The following VWDE variants were observed in gnomAD, a reference collection of about 807,000 sequenced individuals.
The protein encoded by VWDE is von Willebrand factor D and EGF domain-containing protein.
A neutral mutation model predicts 178.4 loss-of-function variants in VWDE; 207 were observed. The observed-to-expected ratio is 1.16, with a 90% CI of 1.04 to 1.30. VWDE has a LOEUF of 1.30. Among genes scored for constraint, VWDE ranks in the 50% most tolerant of loss-of-function variants. The pLI, the probability that VWDE is intolerant of heterozygous loss-of-function variation, is 0.00. For missense variants in VWDE, 2,287 were observed against 1,901.3 expected (o/e 1.20, Z -3.77); for synonymous variants, 738 against 651.4 (o/e 1.13, Z -2.02).
In VWDE at chr7:12,374,913, A is replaced by C; in HGVS notation, c.1242+97T>G. 4 of 1,301,160 alleles carry C rather than the reference A, an allele frequency of 3.1e-6. No homozygotes were observed. In the South Asian group the frequency reaches 6.3e-5, roughly 21 times the overall value. The allele number at this position is 1,301,160 out of a possible 1,614,324, so 80.6% of individuals were successfully genotyped here. On this transcript the variant is annotated intron_variant, in intron 8 of 28. Transcript: ENST00000275358. The stretch of plus-strand genomic sequence containing the variant: ...GAATCATTTAAAAACTAATTTACCA[A>C]AAAATTTTTTACATAAAAAGTTTAT...
In VWDE at chr7:12,392,965, G is replaced by A. The variant is rs191989593; in HGVS notation, c.243+629C>T. Among the ~76,000 whole-genome samples, 312 of 152,242 alleles carry A rather than the reference G, an allele frequency of 2.0e-3. 1 individual carries two copies. Among genetic ancestry groups the A allele is most frequent in the African/African-American group, 7.1e-3 (293 of 41,538 alleles). ...TGCACAAATTTGGGGATTGAGGAGAGAGATTCAGTGAGATAAGGCCATATG... is the reference window on the plus strand; with the variant it reads ...TGCACAAATTTGGGGATTGAGGAGAAAGATTCAGTGAGATAAGGCCATATG... On this transcript the variant is annotated intron_variant, in intron 2 of 28. Transcript: ENST00000275358.
chr7:12,379,435 C>T (rs1000727692), intron 6 of VWDE, 42 bp downstream of exon 6: 3 of 1,406,100 alleles, frequency 2.1e-6, no homozygotes, highest in Non-Finnish European at 2.9e-6. Context: ...AAACATAGTT[C>T]CAGAGGAATA....
chr7:12,375,232 T>C lies in VWDE; in HGVS notation c.1025-5A>G. 1 of 1,547,750 alleles carries C rather than the reference T, an allele frequency of 6.5e-7. No homozygotes were observed. The highest frequency in any genetic ancestry group is 8.7e-7 in the Non-Finnish European group (1 of 1,144,548). On this transcript the variant is annotated splice_region_variant and splice_polypyrimidine_tract_variant and intron_variant, in intron 7 of 28. Transcript: ENST00000275358. ...TTAAGCCTAGGTGCTCTCTACCTAT[T>C]TAATGAAAAAATAGGTTTAAAAATT...
At position 12,399,589 on chromosome 7, in the gene VWDE, A is replaced by C. The variant is rs145857019; in HGVS notation, c.58+4070T>G. Reference sequence around the variant, plus strand: ...CTTGACCTAGCAGACATCTATAAACACTATTCCTAAAAATATCAGAATATA... The same window carrying C: ...CTTGACCTAGCAGACATCTATAAACCCTATTCCTAAAAATATCAGAATATA... On this transcript the variant is annotated intron_variant, in intron 1 of 28. Coordinates refer to ENST00000275358, the MANE Select transcript of VWDE (RefSeq NM_001135924.3). 4.4e-4 allele frequency among the ~76,000 whole-genome samples: 67 copies of C among 152,312 alleles called. 1 individual carries two copies. Among genetic ancestry groups the C allele is most frequent in the Admixed American group, 4.2e-3 (64 of 15,296 alleles).
intron 13 of VWDE, among the ~76,000 whole-genome samples, chr7:12,362,738 G>A (rs980156866): frequency 4.6e-5 from 7 of 152,084 alleles, no homozygotes; most frequent in East Asian, 3.9e-4. Context: ...CAGAAATTAC[G>A]TTTTTGAAGA....
In VWDE at chr7:12,370,802, CGTT is replaced by C. The variant is rs1161641223; in HGVS notation, c.1647_1649del (p.Thr550del). On this transcript the variant is annotated inframe_deletion, in exon 11 of 29. Coordinates refer to ENST00000275358, the MANE Select transcript of VWDE (RefSeq NM_001135924.3). ...TGTAATCTACACTAGGGGCTCTGAT[CGTT>C]AGACTCATGCCCCATTCACCAAGAT... The C allele has an allele frequency of 1.3e-6, 2 of 1,550,956 alleles. No homozygotes were observed. Among genetic ancestry groups the C allele is most frequent in the African/African-American group, 2.7e-5 (2 of 72,936 alleles).
At chr7:12,359,214 A>G (rs1562483137) in intron 16 of VWDE, among the ~76,000 whole-genome samples, 1 of 152,222 alleles carries the variant, frequency 6.6e-6, no homozygotes, top group Non-Finnish European at 1.5e-5. Flanking sequence ...CAACAGTAGT[A>G]CTGGAAGGCA....
intron 18 of VWDE, chr7:12,354,516 A>G (rs1782118271): frequency 1.6e-5 from 5 of 319,564 alleles, no homozygotes. Flanking sequence ...AAGAGCTCAG[A>G]TTATTTAATT....
Position 12,393,688 on chromosome 7 carries a change from A to C in VWDE, c.149T>G (p.Val50Gly), listed in dbSNP as rs750880332. Residue 50 changes from valine (V) to glycine (G), a missense_variant, in exon 2 of 29, where the codon GTT becomes GGT. Physicochemically the swap from Val to Gly is moderately radical, Grantham distance 109. Transcript: ENST00000275358. The part of the protein sequence containing the change: ...FDSWHLQQSA[V>G]QDLICDHSLS... ...GGAATGGTCACATATTAGGTCTTGA[A>C]CAGCTGACTGCTGGAGGTGCCATGA... The C allele has an allele frequency of 2.6e-6, 4 of 1,551,278 alleles. No homozygotes were observed. The South Asian group carries it at 4.8e-5, about 18-fold the overall frequency.
At chr7:12,381,042 A>C (rs951840803) in intron 4 of VWDE, among the ~76,000 whole-genome samples, 4 of 152,212 alleles carry the variant, frequency 2.6e-5, no homozygotes, top group Non-Finnish European at 5.9e-5. Flanking sequence ...CTTTTCTAAA[A>C]GATGGAACAA....
chr7:12,380,597 A>G lies in VWDE; in HGVS notation c.678T>C (p.Ala226=). ...CTTCTTGAGAAGAAAGCCTAGACCA[A>G]GCTATGTGAAATCCCACTGAGTTTT... ...ATKNSVGFHI[A]WSRLSSQEVK... is the part of the protein sequence containing the mutation. Residue 226 remains alanine, a synonymous_variant, in exon 5 of 29, where the codon GCT becomes GCC. Transcript: ENST00000275358. 1 of 1,552,330 alleles carries G rather than the reference A, an allele frequency of 6.4e-7. No homozygotes were observed. The highest frequency in any genetic ancestry group is 2.4e-5 in the East Asian group (1 of 40,918).
In VWDE at chr7:12,379,314, G is replaced by A. The variant is rs140497109; in HGVS notation, c.879+163C>T. ...AACAAGACCCCTCAAACTTTGTTGC[G>A]CATTAGAATTACTGGGGCTTTTCTT... On this transcript the variant is annotated intron_variant, in intron 6 of 28. Coordinates refer to ENST00000275358, the MANE Select transcript of VWDE (RefSeq NM_001135924.3). Among the ~76,000 whole-genome samples the A allele has an allele frequency of 2.3e-4, 35 of 152,264 alleles. No homozygotes were observed. The East Asian group carries it at 5.4e-3, about 24-fold the overall frequency.
intron 12 of VWDE, among the ~76,000 whole-genome samples, chr7:12,369,037 C>G (rs1783009763): frequency 6.6e-6 from 1 of 152,064 alleles, no homozygotes; most frequent in South Asian, 2.1e-4. Context: ...GTTTCTTTGT[C>G]TAACATATTA....
intron 10 of VWDE, among the ~76,000 whole-genome samples, chr7:12,372,566 A>G (rs1328569394): frequency 1.3e-5 from 2 of 152,080 alleles, no homozygotes; most frequent in East Asian, 1.9e-4. Context: ...ATTAGTGAAT[A>G]TATAATCTTA....
intron 1 of VWDE, among the ~76,000 whole-genome samples, chr7:12,400,755 T>C (rs1355866110): frequency 2.0e-5 from 3 of 152,076 alleles, no homozygotes; most frequent in African/African-American, 7.2e-5. Flanking sequence ...GCCAGAAATA[T>C]ATATAACAAG....
In VWDE at chr7:12,337,165, G is replaced by A. The variant is rs892602517; in HGVS notation, c.4462+12C>T. ...TAGCTGTAGTTGACAAATACATTTA[G>A]TGATGTCTTACTTTTTTGGAATCTC... On this transcript the variant is annotated intron_variant, in intron 25 of 28. Coordinates refer to ENST00000275358, the MANE Select transcript of VWDE (RefSeq NM_001135924.3). 5 of 1,551,208 alleles carry A rather than the reference G, an allele frequency of 3.2e-6. No homozygotes were observed. The highest frequency in any genetic ancestry group is 1.4e-5 in the African/African-American group (1 of 73,054).
At chr7:12,388,192 T>C (rs1423178974) in intron 3 of VWDE, among the ~76,000 whole-genome samples, 2 of 152,192 alleles carry the variant, frequency 1.3e-5, no homozygotes, top group African/African-American at 4.8e-5. Context: ...GTTCTTTAAT[T>C]TGAGTTTATA....
At chr7:12,347,153 T>A (rs1781650415) in intron 19 of VWDE, among the ~76,000 whole-genome samples, 6 of 152,140 alleles carry the variant, frequency 3.9e-5, no homozygotes, top group Admixed American at 3.9e-4. Flanking sequence ...CTGCTTTAGA[T>A]GATCTGGGCC....
In VWDE at chr7:12,403,762, G is replaced by A. The variant is rs769932295; in HGVS notation, c.-46C>T. On this transcript the variant is annotated 5_prime_UTR_variant, in exon 1 of 29. Coordinates refer to ENST00000275358, the MANE Select transcript of VWDE (RefSeq NM_001135924.3). Reference sequence around the variant, plus strand: ...CGAAAGGCGTCGCAGAGCCCGGGCCGCGGGTGCCAGGAGGATGGGGCCACA... The same window carrying A: ...CGAAAGGCGTCGCAGAGCCCGGGCCACGGGTGCCAGGAGGATGGGGCCACA... The A allele has an allele frequency of 3.2e-6, 5 of 1,545,424 alleles. No homozygotes were observed. The highest frequency in any genetic ancestry group is 2.4e-5 in the South Asian group (2 of 83,656).
Sources: allele counts gnomAD v4.1 joint callset (sites outside exome capture counted in the v4.1 genomes callset), GRCh38; gene constraint gnomAD v4.1.1; transcripts MANE v1.5; gene names NCBI Gene and HGNC (gene_info 2026-07-23, HGNC 2026-07-21).